The following ZNF609 variants were observed in gnomAD, a reference collection of about 807,000 sequenced individuals.
The protein encoded by ZNF609 is zinc finger protein 609.
ZNF609 carries 11 observed loss-of-function variants against 109.5 expected under a neutral mutation model. The observed-to-expected ratio is 0.10, with a 90% confidence interval of 0.06 to 0.17. The LOEUF (loss-of-function observed/expected upper bound fraction) is 0.17, where lower values mean the gene tolerates loss of function less well. ZNF609 is among the 10% of genes least tolerant of loss of function. The pLI, the probability that ZNF609 is intolerant of heterozygous loss-of-function variation, is 1.00. For synonymous variants in ZNF609, 646 were observed against 662.0 expected (o/e 0.98, Z 0.37); for missense variants, 1,559 against 1,772.4 (o/e 0.88, Z 2.16).
intron 2 of ZNF609, among the ~76,000 whole-genome samples, chr15:64,606,024 G>A (rs1895592828): frequency 6.8e-6 from 1 of 147,388 alleles, no homozygotes; most frequent in Admixed American, 7.0e-5. Context: ...CAAAGTGCTG[G>A]GATTACAGGT....
chr15:64,485,016 C>T (rs868555319), intron 1 of ZNF609, among the ~76,000 whole-genome samples: 4 of 152,112 alleles, frequency 2.6e-5, no homozygotes, highest in Admixed American at 6.6e-5. Flanking sequence ...AGATATTCCT[C>T]GCAAAATTAA....
chr15:64,522,670 C>T (rs948773943), intron 2 of ZNF609, among the ~76,000 whole-genome samples: 4 of 151,994 alleles, frequency 2.6e-5, no homozygotes, highest in African/African-American at 9.7e-5. Context: ...TTAATGTTGA[C>T]CTGCTTTCTT....
intron 2 of ZNF609, among the ~76,000 whole-genome samples, chr15:64,571,997 C>G (rs1260484548): frequency 1.3e-5 from 2 of 152,092 alleles, no homozygotes; most frequent in African/African-American, 4.8e-5. Context: ...GATAGCTATT[C>G]TACTTAGTGT....
chr15:64,473,191 C>CTTTTTTTTTTTTTTTTTTTTT lies in ZNF609; in HGVS notation c.-128+12357_-128+12377dup, dbSNP rs951319279. 2.0e-4 allele frequency among the ~76,000 whole-genome samples: 15 copies of CTTTTTTTTTTTTTTTTTTTTT among 76,070 alleles called. 4 individuals carry two copies. Among genetic ancestry groups the CTTTTTTTTTTTTTTTTTTTTT allele is most frequent in the African/African-American group, 9.8e-4 (15 of 15,368 alleles). 49.9% of individuals were successfully genotyped at this position (76,070 alleles called of 152,430 possible). ...TAAAACTTTTGACTCATATTTGGTT[C>CTTTTTTTTTTTTTTTTTTTTT]TTTTTTTTTTTTTTTTTTTTTTTTG... On this transcript the variant is annotated intron_variant, in intron 1 of 9. Coordinates refer to ENST00000326648, the MANE Select transcript of ZNF609 (RefSeq NM_015042.2).
At chr15:64,678,594 A>T in intron 6 of ZNF609, 112 bp downstream of exon 6, 18 of 1,446,636 alleles carry the variant, frequency 1.2e-5, no homozygotes, top group Non-Finnish European at 1.7e-5. Context: ...GCTCGCTTAG[A>T]TGACGGACCT....
chr15:64,529,745 T>C, intron 2 of ZNF609: 1 of 576,066 alleles, frequency 1.7e-6, no homozygotes, highest in Non-Finnish European at 3.2e-6. Context: ...CAGAGACTTT[T>C]TTGAGACGGA....
intron 2 of ZNF609, among the ~76,000 whole-genome samples, chr15:64,609,843 C>A (rs1433929323): frequency 6.6e-6 from 1 of 150,884 alleles, no homozygotes; most frequent in Non-Finnish European, 1.5e-5. Context: ...GCCTGGCTAA[C>A]ACGGTAAAAC....
At chr15:64,589,018 G>C (rs1428411202) in intron 2 of ZNF609, among the ~76,000 whole-genome samples, 1 of 152,158 alleles carries the variant, frequency 6.6e-6, no homozygotes, top group Non-Finnish European at 1.5e-5. Context: ...TTACACATCA[G>C]AATGTTATCT....
At chr15:64,671,689 C>G (rs1449910620) in intron 4 of ZNF609, among the ~76,000 whole-genome samples, 1 of 152,148 alleles carries the variant, frequency 6.6e-6, no homozygotes, top group East Asian at 1.9e-4. Flanking sequence ...GGGTAACTTG[C>G]AACTAACATA....
chr15:64,569,289 T>C (rs1259818595), intron 2 of ZNF609, among the ~76,000 whole-genome samples: 1 of 152,254 alleles, frequency 6.6e-6, no homozygotes, highest in Non-Finnish European at 1.5e-5. Context: ...TCCTCTATTA[T>C]ATAAGAGTAC....
At chr15:64,469,277 A>C (rs1893060656) in intron 1 of ZNF609, among the ~76,000 whole-genome samples, 1 of 151,696 alleles carries the variant, frequency 6.6e-6, no homozygotes, top group Admixed American at 6.6e-5. Flanking sequence ...AAATACGTAA[A>C]TAATTAGCCA....
chr15:64,479,270 A>G (rs993051062), intron 1 of ZNF609, among the ~76,000 whole-genome samples: 8 of 125,634 alleles, frequency 6.4e-5, no homozygotes, highest in Admixed American at 2.5e-4. Context: ...AAACCTATAT[A>G]TTGTACCTGT....
intron 2 of ZNF609, among the ~76,000 whole-genome samples, chr15:64,544,308 C>T (rs772439734): frequency 6.6e-6 from 1 of 152,148 alleles, no homozygotes; most frequent in Non-Finnish European, 1.5e-5. Flanking sequence ...CCACTGCCCT[C>T]AGCCTGGGTG....
At chr15:64,558,312 C>T (rs901513019) in intron 2 of ZNF609, among the ~76,000 whole-genome samples, 5 of 152,104 alleles carry the variant, frequency 3.3e-5, no homozygotes, top group Admixed American at 6.6e-5. Flanking sequence ...AATCCTGGTT[C>T]TGCTTACCAT....
intron 2 of ZNF609, among the ~76,000 whole-genome samples, chr15:64,545,415 A>T (rs969755383): frequency 6.6e-6 from 1 of 152,076 alleles, no homozygotes; most frequent in Non-Finnish European, 1.5e-5. Flanking sequence ...CCCAGGCTGG[A>T]CTTGAACTCC....
At chr15:64,637,375 A>G (rs1300977633) in intron 3 of ZNF609, among the ~76,000 whole-genome samples, 11 of 152,246 alleles carry the variant, frequency 7.2e-5, no homozygotes, top group Non-Finnish European at 1.5e-4. Context: ...ATTTGGGACT[A>G]TATATACATA....
chr15:64,672,503 T>C (rs1023685584), intron 4 of ZNF609, among the ~76,000 whole-genome samples: 3 of 149,646 alleles, frequency 2.0e-5, no homozygotes, highest in African/African-American at 7.4e-5. Context: ...CTCATGCCTG[T>C]AACCCCAGCT....
intron 1 of ZNF609, among the ~76,000 whole-genome samples, chr15:64,489,220 C>G (rs532338543): frequency 1.3e-5 from 2 of 151,346 alleles, no homozygotes; most frequent in East Asian, 1.9e-4. Flanking sequence ...GAGTCTCACT[C>G]TCTCTCCCAG....
Position 64,675,120 on chromosome 15 carries a change from G to A in ZNF609, c.2266G>A (p.Gly756Ser), listed in dbSNP as rs751400049. The A allele has an allele frequency of 6.2e-7, 1 of 1,614,130 alleles. No homozygotes were observed. Among genetic ancestry groups the A allele is most frequent in the Admixed American group, 1.7e-5 (1 of 60,020 alleles). Reference protein sequence around the residue: ...TPGKVCRAEEGKSPFRESSGD... With the variant: ...TPGKVCRAEESKSPFRESSGD... ...TGGGAAGGTGTGTCGAGCAGAGGAA[G>A]GCAAAAGCCCATTCAGGGAATCTTC... Residue 756 changes from glycine to serine, a missense_variant, in exon 5 of 10, where the codon GGC (glycine) becomes AGC (serine). This residue lies in a region of ZNF609 where 1,204 missense variants were observed against 1,314.1 expected (regional missense o/e 0.92). Coordinates refer to ENST00000326648, the MANE Select transcript of ZNF609 (RefSeq NM_015042.2).
Sources: allele counts gnomAD v4.1 joint callset (sites outside exome capture counted in the v4.1 genomes callset), GRCh38; gene constraint gnomAD v4.1.1; regional missense constraint gnomAD v4.1.1; transcripts MANE v1.5; gene names NCBI Gene and HGNC (gene_info 2026-07-23, HGNC 2026-07-21).